Variants in ZNF311 observed in about 807,000 individuals in gnomAD.
The protein encoded by ZNF311 is zinc finger protein 311.
In ZNF311, 14 loss-of-function variants were observed where a neutral mutation model predicts 22.7. The observed-to-expected ratio is 0.62, with a 90% CI of 0.41 to 0.96. The LOEUF (loss-of-function observed/expected upper bound fraction) is 0.96. ZNF311 is among the 40% of genes least tolerant of loss of function. The pLI, the probability that ZNF311 is intolerant of heterozygous loss-of-function variation, is 0.00. For missense variants in ZNF311, 731 were observed against 799.0 expected, an observed-to-expected ratio of 0.91 and a Z score of 1.03; for synonymous variants, 250 against 275.3, an observed-to-expected ratio of 0.91 and a Z score of 0.91.
chr6:28,999,898 G>T, intron 4 of ZNF311, 58 bp downstream of exon 4: 1 of 1,541,834 alleles, frequency 6.5e-7, no homozygotes, highest in Non-Finnish European at 8.9e-7. Context: ...TGAAAACAAG[G>T]CCATATTTTG....
intron 1 of ZNF311, among the ~76,000 whole-genome samples, chr6:29,004,571 C>T (rs1331397134): frequency 6.6e-6 from 1 of 151,744 alleles, no homozygotes; most frequent in Non-Finnish European, 1.5e-5. Context: ...CTGAGTAGTC[C>T]GTTTACAACT....
At chr6:29,000,477 ATGTG>A (rs1252146953) in intron 3 of ZNF311, among the ~76,000 whole-genome samples, 1 of 152,118 alleles carries the variant, frequency 6.6e-6, no homozygotes, top group Non-Finnish European at 1.5e-5. Flanking sequence ...ATGCACGCGT[ATGTG>A]TGTGTGTGCA....
rs113737306 is a variant in ZNF311, at chr6:29,002,942, T to C, written c.91+571A>G. Among the ~76,000 whole-genome samples, 1,395 of 152,236 alleles carry C rather than the reference T, an allele frequency of 9.2e-3. 16 individuals are homozygous for C. Among genetic ancestry groups the C allele is most frequent in the African/African-American group, 0.031 (1,268 of 41,514 alleles). On this transcript the variant is annotated intron_variant, in intron 3 of 6. Transcript: ENST00000377179. ...GGCCTACCATCAGCTTTTATACAAA[T>C]CTTAACCACTTTTCCTCCTCACATA...
chr6:29,003,261 C>G (rs1435392571), intron 3 of ZNF311, among the ~76,000 whole-genome samples: 1 of 149,578 alleles, frequency 6.7e-6, no homozygotes, highest in East Asian at 1.9e-4. Flanking sequence ...TGCATTGATT[C>G]TTTCTGATAA....
At position 28,994,919 on chromosome 6, in the gene ZNF311, A is replaced by T. The variant is rs913178112; in HGVS notation, c.*82T>A. On this transcript the variant is annotated 3_prime_UTR_variant, in exon 7 of 7. Transcript: ENST00000377179. ...GGAATCTCACAATTAAGGGTCAGGA[A>T]ATCAGGAATAACTAATATAAGAGAC... The T allele has an allele frequency of 2.1e-6, 3 of 1,410,974 alleles. No homozygotes were observed. The highest frequency in any genetic ancestry group is 2.8e-6 in the Non-Finnish European group (3 of 1,071,120). The allele number at this position is 1,410,974 out of a possible 1,614,324, so 87.4% of individuals were successfully genotyped here. A position where few individuals can be genotyped will look rare whatever the true frequency, so the allele number is the denominator to read the frequency against.
In ZNF311 at chr6:28,999,936, G is replaced by C; in HGVS notation, c.183+20C>G. The C allele has an allele frequency of 6.2e-7, 1 of 1,607,960 alleles. No individual in the cohort carries two copies. The highest frequency in any genetic ancestry group is 8.5e-7 in the Non-Finnish European group (1 of 1,177,180). On this transcript the variant is annotated intron_variant, in intron 4 of 6. Transcript: ENST00000377179. Reference sequence around the variant, plus strand: ...GGTAGTGATGTATTTTCAAGGAGGAGGAAAGGGGCCTCAGCTCACTTGGGC... The same window carrying C: ...GGTAGTGATGTATTTTCAAGGAGGACGAAAGGGGCCTCAGCTCACTTGGGC...
In ZNF311 at chr6:28,995,653, T is replaced by C; in HGVS notation, c.1349A>G (p.Lys450Arg). 3 of 1,613,518 alleles carry C rather than the reference T, an allele frequency of 1.9e-6. No individual in the cohort carries two copies. Among genetic ancestry groups the C allele is most frequent in the Non-Finnish European group, 2.5e-6 (3 of 1,180,030 alleles). Residue 450 changes from lysine (K) to arginine (R), a missense_variant, in exon 7 of 7, where the codon AAA (lysine) becomes AGA (arginine). Coordinates refer to ENST00000377179, the MANE Select transcript of ZNF311 (RefSeq NM_001382360.1). This position sits in a 1 kb window ranked among gnomAD's most constrained non-coding sequence, Gnocchi z 4.7. ...EKHYGCPQCG[K>R]DFSIKAELTK... ...GAGTTCTGCCTTGATGCTGAAGTCT[T>C]TTCCACACTGGGGACACCCATAGTG...
At chr6:29,004,281 T>C in intron 1 of ZNF311, 67 bp from the exon 2 acceptor site, 2 of 1,197,500 alleles carry the variant, frequency 1.7e-6, no homozygotes. Context: ...ACTGAGAACC[T>C]GAGGCACGAA....
chr6:28,998,080 G>A (rs1048515236), intron 6 of ZNF311, among the ~76,000 whole-genome samples: 1 of 151,160 alleles, frequency 6.6e-6, no homozygotes, highest in African/African-American at 2.4e-5. Flanking sequence ...TTTCTCACAT[G>A]TTATTCCTTC....
Position 28,994,805 on chromosome 6 carries a change from T to G in ZNF311, c.*196A>C. On this transcript the variant is annotated 3_prime_UTR_variant, in exon 7 of 7. Transcript: ENST00000377179. ...ACAGCAAGCACTAATAAGTGTTTATTAATATTAGGAAGTGATTGATAAACT... is the reference window on the plus strand; with the variant it reads ...ACAGCAAGCACTAATAAGTGTTTATGAATATTAGGAAGTGATTGATAAACT... 1.6e-6 allele frequency: 1 copy of G among 610,078 alleles called. No homozygotes were observed. The highest frequency in any genetic ancestry group is 2.7e-6 in the Non-Finnish European group (1 of 364,838). The allele number at this position is 610,078 out of a possible 1,614,324, so 37.8% of individuals were successfully genotyped here.
intron 5 of ZNF311, among the ~76,000 whole-genome samples, chr6:28,999,199 G>T (rs921732446): frequency 3.3e-5 from 5 of 151,360 alleles, no homozygotes; most frequent in African/African-American, 1.2e-4. Context: ...GCGGAATATA[G>T]AACACCCCAT....
chr6:29,000,130 T>C (rs1780239937), intron 3 of ZNF311, 83 bp from the exon 4 acceptor site: 2 of 1,314,896 alleles, frequency 1.5e-6, no homozygotes, highest in African/African-American at 1.4e-5. Context: ...TCCTCAAATG[T>C]AGAAGCTTCT....
chr6:28,995,805 A>T lies in ZNF311; in HGVS notation c.1197T>A (p.Ser399Arg). The stretch of plus-strand genomic sequence containing the variant: ...TTCTTATGTGTTTGGTGAGGTCTGA[A>T]CTCCCACTGAAGGCCTTCCCGCACT... ...CEECGKAFSG[S>R]SDLTKHIRIH... Residue 399 changes from serine (S) to arginine (R), a missense_variant, in exon 7 of 7, where the codon AGT becomes AGA. Physicochemically the swap from Ser to Arg is moderately radical, Grantham distance 110 (BLOSUM62 -1). Coordinates refer to ENST00000377179, the MANE Select transcript of ZNF311 (RefSeq NM_001382360.1). The surrounding 1 kb of genome is among the most constrained non-coding windows in gnomAD (Gnocchi z 4.7). The T allele has an allele frequency of 1.2e-6, 2 of 1,610,252 alleles. No individual in the cohort carries two copies. Among genetic ancestry groups the T allele is most frequent in the South Asian group, 1.1e-5 (1 of 90,874 alleles).
chr6:29,000,023 G>A lies in ZNF311; in HGVS notation c.116C>T (p.Ala39Val). 6.2e-7 allele frequency: 1 copy of A among 1,613,662 alleles called. No individual in the cohort carries two copies. Among genetic ancestry groups the A allele is most frequent in the Non-Finnish European group, 8.5e-7 (1 of 1,179,920 alleles). The change falls in exon 4 of 7, where the codon GCC (alanine) becomes GTC (valine). Residue 39 changes from alanine (A) to valine (V), a missense_variant. Ala to Val is a moderately conservative substitution (Grantham distance 64). Coordinates refer to ENST00000377179, the MANE Select transcript of ZNF311 (RefSeq NM_001382360.1). ...TCCTTGGCTTCCATCTTTAGTGAAG[G>A]CAGGATATGGAGCAGGTAATAGAGC... Reference protein sequence around the residue: ...ESALLPAPYPAFTKDGSQGNL... With the variant: ...ESALLPAPYPVFTKDGSQGNL...
intron 3 of ZNF311, among the ~76,000 whole-genome samples, chr6:29,002,454 A>G (rs1025935831): frequency 6.6e-5 from 10 of 152,182 alleles, no homozygotes; most frequent in African/African-American, 2.4e-4. Flanking sequence ...TTTCAACACT[A>G]TATCTAGAAA....
chr6:29,000,381 G>C (rs972065103), intron 3 of ZNF311, among the ~76,000 whole-genome samples: 4 of 152,156 alleles, frequency 2.6e-5, no homozygotes, highest in African/African-American at 9.7e-5. Context: ...CCCTGGTTTT[G>C]AATAGACCTT....
chr6:29,000,928 C>G (rs1198645580), intron 3 of ZNF311, among the ~76,000 whole-genome samples: 1 of 152,088 alleles, frequency 6.6e-6, no homozygotes, highest in Non-Finnish European at 1.5e-5. Context: ...AGGTGCCCAC[C>G]ACCATGCCTG....
intron 1 of ZNF311, among the ~76,000 whole-genome samples, chr6:29,004,721 A>G (rs184122605): frequency 1.3e-5 from 2 of 152,248 alleles, no homozygotes; most frequent in African/African-American, 4.8e-5. Context: ...CTCACCCAAA[A>G]TAAGAGCTGA....
upstream of ZNF311, chr6:29,005,392 G>C (rs1781059295): frequency 6.6e-6 from 1 of 151,712 alleles, no homozygotes; most frequent in Non-Finnish European, 1.5e-5. Context: ...CTCATTTTGG[G>C]GAATGGCTTC....
Sources: allele counts gnomAD v4.1 joint callset (sites outside exome capture counted in the v4.1 genomes callset), GRCh38; gene constraint gnomAD v4.1.1; non-coding constraint Gnocchi (gnomAD v3.1); transcripts MANE v1.5; gene names NCBI Gene and HGNC (gene_info 2026-07-23, HGNC 2026-07-21).